Variants in NREP observed in about 807,000 individuals in gnomAD.
The protein encoded by NREP is neuronal regeneration-related protein.
NREP carries 5 observed loss-of-function variants against 8.6 expected under a neutral mutation model. That is an observed-to-expected ratio of 0.58 (90% CI 0.30 to 1.22). The LOEUF is 1.22. Ranked by LOEUF, NREP falls within the 50% of genes most tolerant of loss-of-function variation. The pLI is 0.07. For missense variants in NREP, 86 were observed against 82.5 expected (o/e 1.04, Z -0.17); for synonymous variants, 27 against 28.0 (o/e 0.96, Z 0.11).
intron 2 of NREP, among the ~76,000 whole-genome samples, chr5:111,871,885 G>A (rs895659519): frequency 3.9e-4 from 56 of 143,428 alleles, no homozygotes; most frequent in South Asian, 1.5e-3. Flanking sequence ...TGAAAATCTC[G>A]TTCTATATAG....
chr5:111,797,862 C>A (rs1751909320), intron 2 of NREP, among the ~76,000 whole-genome samples: 1 of 152,024 alleles, frequency 6.6e-6, no homozygotes, highest in Non-Finnish European at 1.5e-5. Context: ...TTCAATAGAA[C>A]ACATTTATGG....
At chr5:111,951,089 T>C (rs1311089672) in intron 2 of NREP, among the ~76,000 whole-genome samples, 1 of 152,116 alleles carries the variant, frequency 6.6e-6, no homozygotes, top group East Asian at 1.9e-4. Flanking sequence ...ATGTATATAA[T>C]TGTTTCATAT....
Position 111,729,880 on chromosome 5 carries a change from A to G in NREP, c.*1041T>C, listed in dbSNP as rs554467199. On this transcript the variant is annotated 3_prime_UTR_variant, in exon 4 of 4. Transcript: ENST00000257435. ...TGTTTTCCAATTTAATATTTGGAAA[A>G]GGTGTCATTTTCATATTCCCACTCA... is the stretch of plus-strand genomic sequence containing the variant. The G allele has an allele frequency of 8.0e-4, 122 of 152,762 alleles. No homozygotes were observed. Among genetic ancestry groups the G allele is most frequent in the Non-Finnish European group, 1.5e-3 (99 of 68,030 alleles). The allele number at this position is 152,762 out of a possible 1,614,324, so 9.5% of individuals were successfully genotyped here.
intron 2 of NREP, among the ~76,000 whole-genome samples, chr5:111,829,141 T>C (rs970991115): frequency 9.9e-5 from 15 of 151,722 alleles, no homozygotes; most frequent in African/African-American, 3.6e-4. Context: ...GGCTAGAACA[T>C]TGGGTACATG....
At chr5:111,942,588 T>C (rs1380751012) in intron 2 of NREP, among the ~76,000 whole-genome samples, 1 of 151,998 alleles carries the variant, frequency 6.6e-6, no homozygotes, top group African/African-American at 2.4e-5. Context: ...CAAAGAAATC[T>C]GAAATGATAT....
At chr5:111,776,802 G>GGAA (rs374534731) in intron 2 of NREP, among the ~76,000 whole-genome samples, 32 of 152,254 alleles carry the variant, frequency 2.1e-4, no homozygotes, top group African/African-American at 7.0e-4. Flanking sequence ...CCTGGGGCAT[G>GGAA]GAAGACCATT....
Position 111,884,879 on chromosome 5 carries a change from G to A in NREP, c.135+90395C>T, listed in dbSNP as rs562197359. 1.7e-3 allele frequency among the ~76,000 whole-genome samples: 254 copies of A among 152,264 alleles called. 3 individuals are homozygous for A. Among genetic ancestry groups the A allele is most frequent in the African/African-American group, 5.8e-3 (241 of 41,546 alleles). On this transcript the variant is annotated intron_variant, in intron 2 of 3. Transcript: ENST00000395634. ...CCACAGCCAATATCATACTGAATGGGCAAAAAGTGGAAGCATTCCCTTTGA... is the reference window on the plus strand; with the variant it reads ...CCACAGCCAATATCATACTGAATGGACAAAAAGTGGAAGCATTCCCTTTGA...
At chr5:111,903,443 C>G (rs567443257) in intron 2 of NREP, among the ~76,000 whole-genome samples, 1 of 152,002 alleles carries the variant, frequency 6.6e-6, no homozygotes, top group Non-Finnish European at 1.5e-5. Context: ...AGAATTAAAC[C>G]GTTGGTAATT....
Position 111,730,723 on chromosome 5 carries a change from C to T in NREP, c.*198G>A, listed in dbSNP as rs1406522459. On this transcript the variant is annotated 3_prime_UTR_variant, in exon 4 of 4. Transcript: ENST00000257435. ...TGGATTCACAGTGTGAAATTCTGAGCGTTTTCACTTGAGTCAGAATGATTA... is the reference window on the plus strand; with the variant it reads ...TGGATTCACAGTGTGAAATTCTGAGTGTTTTCACTTGAGTCAGAATGATTA... 3 of 585,728 alleles carry T rather than the reference C, an allele frequency of 5.1e-6. No individual in the cohort carries two copies. Among genetic ancestry groups the T allele is most frequent in the Admixed American group, 3.0e-5 (1 of 32,842 alleles). 36.3% of individuals were successfully genotyped at this position (585,728 alleles called of 1,614,324 possible).
chr5:111,917,307 T>C (rs1238945579), intron 2 of NREP, among the ~76,000 whole-genome samples: 4 of 152,162 alleles, frequency 2.6e-5, no homozygotes, highest in Admixed American at 2.0e-4. Flanking sequence ...CCATTCTTTC[T>C]GAAACTATTC....
At chr5:111,917,061 C>T (rs1755080386) in intron 2 of NREP, among the ~76,000 whole-genome samples, 2 of 152,120 alleles carry the variant, frequency 1.3e-5, no homozygotes, top group Admixed American at 6.6e-5. Context: ...TGTTGGCATA[C>T]TTTCGGGGTC....
intron 2 of NREP, among the ~76,000 whole-genome samples, chr5:111,870,461 T>A (rs1270035452): frequency 6.6e-6 from 1 of 152,176 alleles, no homozygotes; most frequent in East Asian, 1.9e-4. Flanking sequence ...GCACATCAAA[T>A]GAATTTTCTT....
intron 2 of NREP, among the ~76,000 whole-genome samples, chr5:111,822,143 A>G (rs926301411): frequency 6.6e-6 from 1 of 152,190 alleles, no homozygotes; most frequent in Non-Finnish European, 1.5e-5. Context: ...TTCCCATTGA[A>G]AACAACTAAA....
At chr5:111,803,552 A>C (rs150631227) in intron 2 of NREP, among the ~76,000 whole-genome samples, 237 of 152,312 alleles carry the variant, frequency 1.6e-3, no homozygotes, top group African/African-American at 5.5e-3. Flanking sequence ...CCTTTGTAGG[A>C]GAACAATAAA....
At chr5:111,950,258 C>G (rs35658682) in intron 2 of NREP, among the ~76,000 whole-genome samples, 57,401 of 151,936 alleles carry the variant, frequency 0.38, 11,224 homozygotes, top group South Asian at 0.56. Context: ...CTACAACCAT[C>G]TGATCTTCAA....
At chr5:111,948,673 T>C (rs1226596566) in intron 2 of NREP, among the ~76,000 whole-genome samples, 1 of 151,972 alleles carries the variant, frequency 6.6e-6, no homozygotes, top group Non-Finnish European at 1.5e-5. Context: ...AATCCAACAC[T>C]TCTCTCTCCT....
chr5:111,910,835 C>T (rs1754892881), intron 2 of NREP, among the ~76,000 whole-genome samples: 1 of 152,034 alleles, frequency 6.6e-6, no homozygotes, highest in East Asian at 1.9e-4. Context: ...GCAAAAGTTT[C>T]AAAATATTAA....
rs747850701 is a variant in NREP, at chr5:111,755,819, A to G, written c.-47T>C. 1.9e-6 allele frequency: 3 copies of G among 1,613,876 alleles called. No homozygotes were observed. The South Asian group carries it at 3.3e-5, about 18-fold the overall frequency. ...CTTCTATTCTCCCTCTCTTCAGTCCAGGGAGACCAACCTGCAAAATATGTT... is the reference window on the plus strand; with the variant it reads ...CTTCTATTCTCCCTCTCTTCAGTCCGGGGAGACCAACCTGCAAAATATGTT... On this transcript the variant is annotated 5_prime_UTR_variant, in exon 2 of 4. Transcript: ENST00000257435.
rs530144518 is a variant in NREP at position 111,781,627 on chromosome 5, A to G, written c.136-46120T>C. ...ACAGTTTAGGATAATTTGTTATGCT[A>G]CATTAAATAAATAATACATCCTCAC... is the stretch of plus-strand genomic sequence containing the variant. On this transcript the variant is annotated intron_variant, in intron 2 of 3. Transcript: ENST00000395634. 2.6e-5 allele frequency among the ~76,000 whole-genome samples: 4 copies of G among 152,328 alleles called. No homozygotes were observed. The South Asian group carries it at 8.3e-4, about 32-fold the overall frequency.
Sources: allele counts gnomAD v4.1 joint callset (sites outside exome capture counted in the v4.1 genomes callset), GRCh38; gene constraint gnomAD v4.1.1; transcripts MANE v1.5; gene names NCBI Gene and HGNC (gene_info 2026-07-23, HGNC 2026-07-21).